The following WASF1 variants were observed in gnomAD, a reference collection of about 807,000 sequenced individuals.
The protein encoded by WASF1 is actin-binding protein WASF1.
Under a neutral mutation model 50.5 loss-of-function variants are expected in WASF1, and 7 were observed. The ratio of observed to expected loss-of-function variants is 0.14; its 90% CI spans 0.08 to 0.26. The LOEUF (loss-of-function observed/expected upper bound fraction) is 0.26. WASF1 is among the 10% of genes least tolerant of loss of function. The pLI is 1.00. For missense variants in WASF1, 470 were observed against 694.7 expected (o/e 0.68, Z 3.64); for synonymous variants, 205 against 244.0 (o/e 0.84, Z 1.49).
intron 4 of WASF1, among the ~76,000 whole-genome samples, chr6:110,126,489 G>T (rs747566682): frequency 1.5e-4 from 23 of 151,892 alleles, no homozygotes; most frequent in Admixed American, 1.5e-3. Context: ...CTTTCTTACC[G>T]GAAACAAATT....
At chr6:110,165,982 A>C (rs1776461373) in intron 2 of WASF1, among the ~76,000 whole-genome samples, 1 of 151,814 alleles carries the variant, frequency 6.6e-6, no homozygotes, top group African/African-American at 2.4e-5. Context: ...AGATAGGTAC[A>C]GTTTTTGTAA....
chr6:110,140,127 A>T (rs1328434262), intron 3 of WASF1, among the ~76,000 whole-genome samples: 1 of 152,154 alleles, frequency 6.6e-6, no homozygotes, highest in Non-Finnish European at 1.5e-5. Context: ...ACATCCAGGG[A>T]GCTGAGACAG....
intron 3 of WASF1, among the ~76,000 whole-genome samples, chr6:110,148,578 T>G (rs1431026825): frequency 6.6e-6 from 1 of 152,004 alleles, no homozygotes; most frequent in Non-Finnish European, 1.5e-5. Flanking sequence ...TGAAGTGCAA[T>G]CAGAGACTCT....
At chr6:110,136,393 A>C (rs970945362) in intron 3 of WASF1, among the ~76,000 whole-genome samples, 3 of 152,190 alleles carry the variant, frequency 2.0e-5, no homozygotes, top group Non-Finnish European at 4.4e-5. Flanking sequence ...TGGTGGTTGC[A>C]GTGGTCTACG....
In WASF1 at chr6:110,100,687, A is replaced by G. The variant is rs143101701; in HGVS notation, c.1523-8T>C. On this transcript the variant is annotated splice_region_variant and splice_polypyrimidine_tract_variant and intron_variant, in intron 10 of 10. Coordinates refer to ENST00000392589, the MANE Select transcript of WASF1 (RefSeq NM_003931.3). ...CTTTGCGTAGCTGAATACCTGATAC[A>G]GTGAATCCAAACCATTCATTTAAAT... The G allele has an allele frequency of 4.0e-5, 64 of 1,603,338 alleles. No homozygotes were observed. In the South Asian group the frequency reaches 5.4e-4, roughly 14 times the overall value.
intron 3 of WASF1, among the ~76,000 whole-genome samples, chr6:110,151,957 T>C (rs1369510406): frequency 5.9e-5 from 9 of 152,078 alleles, no homozygotes; most frequent in Non-Finnish European, 8.8e-5. Flanking sequence ...AGAAAAAAAA[T>C]ATAAACTTTA....
At position 110,179,638 on chromosome 6, in the gene WASF1, T is replaced by C. The variant is rs1777119693; in HGVS notation, c.-471A>G. The C allele has an allele frequency of 6.6e-6, 1 of 152,258 alleles. No homozygotes were observed. Among genetic ancestry groups the C allele is most frequent in the Admixed American group, 6.5e-5 (1 of 15,272 alleles). The allele number at this position is 152,258 out of a possible 1,614,324, so 9.4% of individuals were successfully genotyped here. A position where few individuals can be genotyped will look rare whatever the true frequency, so the allele number is the denominator to read the frequency against. On this transcript the variant is annotated 5_prime_UTR_variant, in exon 1 of 11. Transcript: ENST00000392589. Reference sequence around the variant, plus strand: ...CCAACCCGCCGCCGGACCCACCGTGTGCTCGACGCGCGAGTGAACAACACC... The same window carrying C: ...CCAACCCGCCGCCGGACCCACCGTGCGCTCGACGCGCGAGTGAACAACACC...
chr6:110,162,618 A>G (rs1776306056), intron 2 of WASF1, among the ~76,000 whole-genome samples: 2 of 151,522 alleles, frequency 1.3e-5, no homozygotes, highest in African/African-American at 4.8e-5. Context: ...ACAAAAATCA[A>G]TTAACATAAT....
chr6:110,131,930 C>T (rs898289434), intron 3 of WASF1, among the ~76,000 whole-genome samples: 2 of 152,180 alleles, frequency 1.3e-5, no homozygotes, highest in Middle Eastern at 3.2e-3. Context: ...ACACATAACA[C>T]ATACACCCAC....
chr6:110,136,689 T>C (rs765010962), intron 3 of WASF1, among the ~76,000 whole-genome samples: 25 of 152,184 alleles, frequency 1.6e-4, no homozygotes, highest in Admixed American at 1.1e-3. Context: ...CTTTCAACCT[T>C]CTCCTATCTT....
At chr6:110,169,173 T>G (rs1452272008) in intron 2 of WASF1, among the ~76,000 whole-genome samples, 1 of 152,120 alleles carries the variant, frequency 6.6e-6, no homozygotes, top group Non-Finnish European at 1.5e-5. Context: ...TGCTAGATCT[T>G]TAACCATCAA....
chr6:110,103,553 G>C lies in WASF1; in HGVS notation c.718C>G (p.Gln240Glu), dbSNP rs1430473283. The C allele has an allele frequency of 2.5e-6, 4 of 1,609,282 alleles. No individual in the cohort carries two copies. The highest frequency in any genetic ancestry group is 3.4e-6 in the Non-Finnish European group (4 of 1,177,156). The change falls in exon 9 of 11, where the codon CAG (glutamine) becomes GAG (glutamate). Residue 240 changes from glutamine (Q) to glutamate (E), a missense_variant. This residue lies in a region of WASF1 where 294 missense variants were observed against 343.5 expected (regional missense o/e 0.86). Coordinates refer to ENST00000392589, the MANE Select transcript of WASF1 (RefSeq NM_003931.3). ...CCATCCATATGATCCACGTATGTCTGAGGTCTAAAAGAAATATATAGTATC... is the reference window on the plus strand; with the variant it reads ...CCATCCATATGATCCACGTATGTCTCAGGTCTAAAAGAAATATATAGTATC... ...GPASHFETRP[Q>E]TYVDHMDGSY...
chr6:110,106,092 A>G (rs1773310624), intron 7 of WASF1, among the ~76,000 whole-genome samples: 1 of 152,240 alleles, frequency 6.6e-6, no homozygotes. Flanking sequence ...CAATAAAACA[A>G]AAAGTGATTC....
At chr6:110,153,590 T>C (rs1775920565) in intron 3 of WASF1, among the ~76,000 whole-genome samples, 1 of 152,106 alleles carries the variant, frequency 6.6e-6, no homozygotes, top group Admixed American at 6.6e-5. Context: ...ATAATTTTAA[T>C]TTGCATTTTT....
In WASF1 at chr6:110,102,062, G is replaced by A. The variant is rs761585849; in HGVS notation, c.1048C>T (p.Pro350Ser). 5.9e-6 allele frequency: 9 copies of A among 1,517,514 alleles called. No homozygotes were observed. The highest frequency in any genetic ancestry group is 4.6e-5 in the East Asian group (2 of 43,776). The allele number at this position is 1,517,514 out of a possible 1,614,324, so 94.0% of individuals were successfully genotyped here. A position where few individuals can be genotyped will look rare whatever the true frequency, so the allele number is the denominator to read the frequency against. Residue 350 changes from proline to serine, a missense_variant, in exon 10 of 11, where the codon CCT becomes TCT. Physicochemically the swap from Pro to Ser is moderately conservative, Grantham distance 74. This residue lies in a region of WASF1 where 294 missense variants were observed against 343.5 expected (regional missense o/e 0.86). Coordinates refer to ENST00000392589, the MANE Select transcript of WASF1 (RefSeq NM_003931.3). ...LRASMTSTPP[P>S]PVPPPPPPPA... is the part of the protein sequence containing the mutation. ...GGTGGAGGTGGGGGAGGTACTGGAG[G>A]GGGAGGAGTTGAAGTCATTGAAGCT...
At chr6:110,101,091 C>G (rs1256455844) in intron 10 of WASF1, among the ~76,000 whole-genome samples, 1 of 152,086 alleles carries the variant, frequency 6.6e-6, no homozygotes, top group Non-Finnish European at 1.5e-5. Flanking sequence ...TGCTCAGTGC[C>G]TGGCCTATAG....
chr6:110,144,409 AG>A (rs752361689), intron 3 of WASF1, among the ~76,000 whole-genome samples: 2 of 152,072 alleles, frequency 1.3e-5, no homozygotes, highest in Non-Finnish European at 2.9e-5. Context: ...CCCACTCTGT[AG>A]TTTGCCTGTT....
chr6:110,142,952 T>A (rs1269816457), intron 3 of WASF1, among the ~76,000 whole-genome samples: 19 of 119,142 alleles, frequency 1.6e-4, no homozygotes, highest in Admixed American at 3.4e-4. Flanking sequence ...CCCAATGATG[T>A]AAAAAAAAAA....
At chr6:110,131,946 C>T (rs146612673) in intron 3 of WASF1, among the ~76,000 whole-genome samples, 1,939 of 152,286 alleles carry the variant, frequency 0.013, 49 homozygotes, top group African/African-American at 0.044. Context: ...CCCACCTCTA[C>T]CTGTTGGGAA....
Sources: allele counts gnomAD v4.1 joint callset (sites outside exome capture counted in the v4.1 genomes callset), GRCh38; gene constraint gnomAD v4.1.1; regional missense constraint gnomAD v4.1.1; transcripts MANE v1.5; gene names NCBI Gene and HGNC (gene_info 2026-07-23, HGNC 2026-07-21).